The following NEB variants were observed in gnomAD, a reference collection of about 807,000 sequenced individuals.
The protein encoded by NEB is nemaline myopathy type 2.
NEB carries 512 observed loss-of-function variants against 952.2 expected under a neutral mutation model. The ratio of observed to expected loss-of-function variants is 0.54; its 90% CI spans 0.50 to 0.58. NEB has a LOEUF of 0.58. Among genes scored for constraint, NEB ranks in the 20% least tolerant of loss-of-function variants. The pLI, the probability that NEB is intolerant of heterozygous loss-of-function variation, is 0.00. For missense variants in NEB, 8,428 were observed against 9,231.1 expected, an observed-to-expected ratio of 0.91 and a Z score of 3.56; for synonymous variants, 2,900 against 3,149.8, an observed-to-expected ratio of 0.92 and a Z score of 2.66.
chr2:151,519,954 G>T, intron 153 of NEB, 186 bp from the exon 154 acceptor site: 1 of 456,770 alleles, frequency 2.2e-6, no homozygotes, highest in Non-Finnish European at 3.9e-6. Flanking sequence ...CAAGACAACA[G>T]GCATTCAAAT....
In NEB at chr2:151,625,405, T is replaced by G. The variant is rs1478030917; in HGVS notation, c.10452+129A>C. The stretch of plus-strand genomic sequence containing the variant: ...AATACAATAATATGTATATTCAAGG[T>G]AGGGTAAATGGCATAAAAAGCCAAC... On this transcript the variant is annotated intron_variant, in intron 71 of 181. Transcript: ENST00000397345. 9.3e-6 allele frequency: 5 copies of G among 537,536 alleles called. No individual in the cohort carries two copies. The East Asian group carries it at 1.5e-4, about 16-fold the overall frequency. The allele number at this position is 537,536 out of a possible 1,614,324, so 33.3% of individuals were successfully genotyped here.
chr2:151,664,387 G>T (rs1393287882), intron 44 of NEB, 114 bp downstream of exon 44: 1 of 690,284 alleles, frequency 1.4e-6, no homozygotes, highest in East Asian at 2.8e-5. Flanking sequence ...TGTCACATGG[G>T]ATGGCATTCC....
At chr2:151,517,195 T>G (rs2078241788) in intron 156 of NEB, among the ~76,000 whole-genome samples, 1 of 152,178 alleles carries the variant, frequency 6.6e-6, no homozygotes, top group South Asian at 2.1e-4. Flanking sequence ...ATAAATAAAA[T>G]TTTCTCATCC....
At chr2:151,601,075 G>A (rs1396035337) in intron 88 of NEB, among the ~76,000 whole-genome samples, 1 of 92,488 alleles carries the variant, frequency 1.1e-5, no homozygotes, top group Non-Finnish European at 2.1e-5. Flanking sequence ...TTAATTCTTT[G>A]TTGAAATTTT....
chr2:151,614,160 G>T, intron 77 of NEB, 116 bp downstream of exon 77: 1 of 1,196,136 alleles, frequency 8.4e-7, no homozygotes. Context: ...GTGCATTTCA[G>T]AACATTATCC....
intron 124 of NEB, among the ~76,000 whole-genome samples, chr2:151,556,277 C>A (rs1257683450): frequency 6.6e-6 from 1 of 152,070 alleles, no homozygotes; most frequent in Non-Finnish European, 1.5e-5. Flanking sequence ...ATGAGTAGAA[C>A]AGAATGGAAA....
At chr2:151,660,619 C>T (rs1213957104) in intron 46 of NEB, among the ~76,000 whole-genome samples, 5 of 152,160 alleles carry the variant, frequency 3.3e-5, no homozygotes, top group Non-Finnish European at 7.4e-5. Context: ...GATTGGCAAA[C>T]TTTTTCTGTA....
At chr2:151,672,776 T>C (rs2099316141) in intron 36 of NEB, 96 bp from the exon 37 acceptor site, 1 of 1,202,012 alleles carries the variant, frequency 8.3e-7, no homozygotes, top group Admixed American at 2.4e-5. Context: ...GCTTTGTGAC[T>C]TTCTCAAGAG....
chr2:151,512,859 T>C (rs753983177), intron 160 of NEB, 22 bp from the exon 161 acceptor site: 8 of 1,531,512 alleles, frequency 5.2e-6, no homozygotes, highest in Non-Finnish European at 7.2e-6. Flanking sequence ...CACCGAATAG[T>C]TGGGTAAATG....
intron 80 of NEB, 47 bp downstream of exon 80, chr2:151,610,469 T>G: frequency 6.9e-7 from 1 of 1,439,276 alleles, no homozygotes; most frequent in Non-Finnish European, 9.8e-7. Context: ...CCCTCTGGGT[T>G]GTTCAGCACA....
Position 151,493,798 on chromosome 2 carries a change from GT to G in NEB, c.24648del (p.Lys8216AsnfsTer16). On this transcript the variant is annotated frameshift_variant, in exon 175 of 182. Transcript: ENST00000397345. LOFTEE classifies it high-confidence loss of function. The part of the protein sequence containing the change: ...TPFTPEMERV[K>X]RNQENFSSVL... ...ACCGAGCTAAAGTTTTCTTGATTGC[GT>G]TTCACTCTTTCCATCTCAGGAGTAA... is the stretch of plus-strand genomic sequence containing the variant. The G allele has an allele frequency of 6.3e-7, 1 of 1,583,248 alleles. No individual in the cohort carries two copies. Among genetic ancestry groups the G allele is most frequent in the South Asian group, 1.2e-5 (1 of 86,566 alleles).
intron 54 of NEB, among the ~76,000 whole-genome samples, chr2:151,648,310 T>C (rs1054427020): frequency 4.6e-5 from 7 of 152,220 alleles, no homozygotes; most frequent in Non-Finnish European, 8.8e-5. Flanking sequence ...CACATGTTTG[T>C]TATGGTGCAT....
At chr2:151,546,931 C>A (rs982685788) in intron 133 of NEB, among the ~76,000 whole-genome samples, 1 of 152,048 alleles carries the variant, frequency 6.6e-6, no homozygotes, top group African/African-American at 2.4e-5. Flanking sequence ...AAGTCTCTAA[C>A]CCTGAGCTGA....
At chr2:151,658,850 A>C (rs376152166) in intron 47 of NEB, among the ~76,000 whole-genome samples, 2 of 152,114 alleles carry the variant, frequency 1.3e-5, no homozygotes, top group South Asian at 2.1e-4. Flanking sequence ...AACAAAATCC[A>C]ATCACACCGT....
In NEB at chr2:151,695,685, A is replaced by G. The variant is rs766394727; in HGVS notation, c.1570-3T>C. 5.0e-6 allele frequency: 8 copies of G among 1,602,542 alleles called. No homozygotes were observed. The highest frequency in any genetic ancestry group is 6.8e-6 in the Non-Finnish European group (8 of 1,170,196). ...TCATGTTTTGCTTTGTAATTTAACT[A>G]TGACAGAGAGAGAACCAATTAGTTC... On this transcript the variant is annotated splice_region_variant and splice_polypyrimidine_tract_variant and intron_variant, in intron 17 of 181. Transcript: ENST00000397345.
chr2:151,532,209 G>T, intron 143 of NEB: 1 of 224,792 alleles, frequency 4.4e-6, no homozygotes, highest in Non-Finnish European at 8.8e-6. Context: ...CAATTCTTCT[G>T]CCTCAGCCTC....
chr2:151,698,880 T>A (rs67484661), intron 13 of NEB, among the ~76,000 whole-genome samples: 135,615 of 141,756 alleles, frequency 0.96, 64,815 homozygotes, highest in South Asian at 0.98. Flanking sequence ...TTTTTTTTTT[T>A]AATTATACTT....
chr2:151,619,091 T>C (rs1323056241), intron 73 of NEB, among the ~76,000 whole-genome samples: 1 of 152,218 alleles, frequency 6.6e-6, no homozygotes, highest in Non-Finnish European at 1.5e-5. Flanking sequence ...GCTTTCCCTC[T>C]ATCTCCCTAC....
In NEB at chr2:151,674,544, C is replaced by T. The variant is rs749336034; in HGVS notation, c.3920G>A (p.Gly1307Asp). Residue 1307 changes from glycine to aspartate, a missense_variant, in exon 36 of 182, where the codon GGC becomes GAC. This residue lies in a region of NEB where 2,851 missense variants were observed against 2,791.5 expected (regional missense o/e 1.02). Coordinates refer to ENST00000397345, the MANE Select transcript of NEB (RefSeq NM_001164508.2). ...KRDWYDLIAK[G>D]NNVLGDAIPI... ...AATAGCATCGCCCAGCACATTGTTG[C>T]CCTTGGCTATTAAGTCATACCAATC... 4.3e-6 allele frequency: 7 copies of T among 1,613,790 alleles called. No individual in the cohort carries two copies. The African/African-American group carries it at 6.7e-5, about 15-fold the overall frequency.
Sources: allele counts gnomAD v4.1 joint callset (sites outside exome capture counted in the v4.1 genomes callset), GRCh38; gene constraint gnomAD v4.1.1; regional missense constraint gnomAD v4.1.1; transcripts MANE v1.5; gene names NCBI Gene and HGNC (gene_info 2026-07-23, HGNC 2026-07-21).